The following SEMA6D variants were observed in gnomAD, a reference collection of about 807,000 sequenced individuals.
SEMA6D encodes the protein semaphorin 6D.
Under a neutral mutation model 106.6 loss-of-function variants are expected in SEMA6D, and 35 were observed. The ratio of observed to expected loss-of-function variants is 0.33; its 90% CI spans 0.25 to 0.44. The LOEUF (loss-of-function observed/expected upper bound fraction) is 0.44, where lower values mean the gene tolerates loss of function less well. Ranked by LOEUF, SEMA6D falls within the 20% of genes least tolerant of loss-of-function variation. The pLI is 1.00. For missense variants in SEMA6D, 1,185 were observed against 1,345.9 expected (o/e 0.88, Z 1.87); for synonymous variants, 499 against 487.7 (o/e 1.02, Z -0.31).
intron 1 of SEMA6D, among the ~76,000 whole-genome samples, chr15:47,263,022 T>C (rs2142110262): frequency 6.6e-6 from 1 of 152,098 alleles, no homozygotes; most frequent in South Asian, 2.1e-4. Context: ...TGGACCCCCT[T>C]TTTTACATCA....
chr15:47,249,153 A>T (rs1287801673), intron 1 of SEMA6D, among the ~76,000 whole-genome samples: 1 of 152,162 alleles, frequency 6.6e-6, no homozygotes. Context: ...GCCTGAGCAC[A>T]GGAGGCAGAG....
At chr15:47,617,978 T>A (rs778397830) in intron 4 of SEMA6D, among the ~76,000 whole-genome samples, 4 of 152,232 alleles carry the variant, frequency 2.6e-5, no homozygotes, top group Non-Finnish European at 5.9e-5. Flanking sequence ...TCTTCTCCCT[T>A]AATTGAGTTG....
At chr15:47,256,250 G>A (rs142395758) in intron 1 of SEMA6D, among the ~76,000 whole-genome samples, 1,776 of 152,236 alleles carry the variant, frequency 0.012, 33 homozygotes, top group Admixed American at 0.012. Flanking sequence ...TTTCAAAAAT[G>A]TACTGAGATT....
At position 47,232,848 on chromosome 15, in the gene SEMA6D, A is replaced by G. The variant is rs529087021; in HGVS notation, c.-239+48430A>G. ...TGGGTCCTAGACCATCATCAGATATATGAAGTGCAGATATTTTCTTCCCTT... is the reference window on the plus strand; with the variant it reads ...TGGGTCCTAGACCATCATCAGATATGTGAAGTGCAGATATTTTCTTCCCTT... On this transcript the variant is annotated intron_variant, in intron 1 of 19. Transcript: ENST00000558014. Among the ~76,000 whole-genome samples, 4 of 152,030 alleles carry G rather than the reference A, an allele frequency of 2.6e-5. No homozygotes were observed. In the South Asian group the frequency reaches 8.3e-4, roughly 31 times the overall value.
chr15:47,430,359 TTCTTGATGTGGGTTTGCC>T (rs1304690785), intron 2 of SEMA6D, among the ~76,000 whole-genome samples: 2 of 152,074 alleles, frequency 1.3e-5, no homozygotes, highest in Admixed American at 6.5e-5. Context: ...CTCTGTCCCT[TTCTTGATGTGGGTTTGCC>T]TTTTGTCTGT....
At position 47,651,405 on chromosome 15, in the gene SEMA6D, T is replaced by TA. The variant is rs895704923; in HGVS notation, c.-55+50519dup. 5.4e-3 allele frequency among the ~76,000 whole-genome samples: 799 copies of TA among 147,778 alleles called. 2 individuals are homozygous for TA. The highest frequency in any genetic ancestry group is 0.017 in the African/African-American group (683 of 40,484). ...GGGCAACAGAGCAACACCCTGCCTCTAAAAAAAAAACTAGTAAACTTCTGT... is the reference window on the plus strand; with the variant it reads ...GGGCAACAGAGCAACACCCTGCCTCTAAAAAAAAAAACTAGTAAACTTCTGT... On this transcript the variant is annotated intron_variant, in intron 4 of 19. Transcript: ENST00000558014.
chr15:47,760,913 A>C, intron 3 of SEMA6D, 65 bp from the exon 4 acceptor site: 1 of 1,415,560 alleles, frequency 7.1e-7, no homozygotes, highest in Non-Finnish European at 9.8e-7. Flanking sequence ...GTAAAAATAA[A>C]AAAGGAAGCA....
rs1483274186 is a variant in SEMA6D, at chr15:47,552,905, T to TATATATATATATAA, written c.-86-47959_-86-47958insTATATATATATAAA. ...AAATATATATAAATATATATATATA[T>TATATATATATATAA]AAATATATATATATTTGAGATGGAG... On this transcript the variant is annotated intron_variant, in intron 3 of 19. Transcript: ENST00000558014. Among the ~76,000 whole-genome samples the TATATATATATATAA allele has an allele frequency of 5.6e-3, 529 of 94,814 alleles. 26 individuals carry two copies. The highest frequency in any genetic ancestry group is 9.5e-3 in the Non-Finnish European group (468 of 49,442). 62.2% of individuals were successfully genotyped at this position (94,814 alleles called of 152,430 possible).
intron 2 of SEMA6D, among the ~76,000 whole-genome samples, chr15:47,459,934 T>C (rs2042453347): frequency 6.6e-6 from 1 of 152,116 alleles, no homozygotes; most frequent in African/African-American, 2.4e-5. Context: ...TAAAATCCAT[T>C]CTTGAAAATC....
At chr15:47,562,379 A>G (rs1233212871) in intron 3 of SEMA6D, among the ~76,000 whole-genome samples, 3 of 152,128 alleles carry the variant, frequency 2.0e-5, no homozygotes, top group African/African-American at 7.2e-5. Context: ...AAATCTGCAT[A>G]AGCTTGGTTA....
chr15:47,709,584 C>T (rs1442763506), intron 4 of SEMA6D, among the ~76,000 whole-genome samples: 1 of 152,116 alleles, frequency 6.6e-6, no homozygotes, highest in Non-Finnish European at 1.5e-5. Context: ...TGATCCTGCC[C>T]CCTTCCACTT....
intron 1 of SEMA6D, among the ~76,000 whole-genome samples, chr15:47,227,548 C>T (rs1037671817): frequency 1.0e-5 from 1 of 100,092 alleles, no homozygotes; most frequent in Non-Finnish European, 2.1e-5. Flanking sequence ...CTCTTTCTCT[C>T]TCTCTGTCTC....
At position 47,771,024 on chromosome 15, in the gene SEMA6D, C is replaced by G; in HGVS notation, c.2461C>G (p.His821Asp). The change falls in exon 19 of 19, where the codon CAT becomes GAT. Residue 821 changes from histidine to aspartate, a missense_variant. His to Asp is a moderately conservative substitution (Grantham distance 81). Transcript: ENST00000536845. ...SSPPPHSPLSHGHIPSAIVLP... is the reference protein window; with the variant it reads ...SSPPPHSPLSDGHIPSAIVLP... ...TCCGCCACCTCATTCCCCATTAAGT[C>G]ATGGGCATATCCCCAGTGCCATTGT... The G allele has an allele frequency of 6.2e-7, 1 of 1,614,156 alleles. No homozygotes were observed. The highest frequency in any genetic ancestry group is 8.5e-7 in the Non-Finnish European group (1 of 1,180,008).
At chr15:47,656,921 CA>C (rs376253797) in intron 4 of SEMA6D, among the ~76,000 whole-genome samples, 492 of 152,178 alleles carry the variant, frequency 3.2e-3, no homozygotes, top group African/African-American at 0.011. Flanking sequence ...TAATGAGTGA[CA>C]AAAGTGACAG....
chr15:47,471,927 T>TCA (rs1335912335), intron 3 of SEMA6D, among the ~76,000 whole-genome samples: 60 of 113,998 alleles, frequency 5.3e-4, no homozygotes, highest in Middle Eastern at 4.5e-3. Flanking sequence ...TCTCTCTCTC[T>TCA]CTCTCACACA....
chr15:47,236,866 A>C (rs2032578485), intron 1 of SEMA6D, among the ~76,000 whole-genome samples: 1 of 152,162 alleles, frequency 6.6e-6, no homozygotes, highest in Non-Finnish European at 1.5e-5. Flanking sequence ...AGTTCAAATC[A>C]CTAATTCTAT....
chr15:47,761,073 C>G (rs1305983172), intron 4 of SEMA6D, 35 bp downstream of exon 4: 2 of 1,610,790 alleles, frequency 1.2e-6, no homozygotes, highest in African/African-American at 1.3e-5. Context: ...TATTTACCTT[C>G]CCTCTGAACC....
chr15:47,476,647 G>A (rs888323156), intron 3 of SEMA6D, among the ~76,000 whole-genome samples: 1 of 152,066 alleles, frequency 6.6e-6, no homozygotes, highest in African/African-American at 2.4e-5. Flanking sequence ...GAATGGGGGT[G>A]GGGGGAGCAT....
chr15:47,367,684 GCGCGCGCGCACACACACACACA>G (rs2039093582), intron 1 of SEMA6D, among the ~76,000 whole-genome samples: 1 of 42,180 alleles, frequency 2.4e-5, no homozygotes, highest in Non-Finnish European at 5.2e-5. Context: ...TCACACGCGC[GCGCGCGCGCACACACACACACA>G]CACACACACA....
Sources: allele counts gnomAD v4.1 joint callset (sites outside exome capture counted in the v4.1 genomes callset), GRCh38; gene constraint gnomAD v4.1.1; transcripts MANE v1.5; gene names NCBI Gene and HGNC (gene_info 2026-07-23, HGNC 2026-07-21).